DSCAML1: variants seen among roughly 807,000 people sequenced by gnomAD.
The protein encoded by DSCAML1 is DS cell adhesion molecule like 1, also known as cell adhesion molecule DSCAML1.
Under a neutral mutation model 200.5 loss-of-function variants are expected in DSCAML1, and 38 were observed. The observed-to-expected ratio is 0.19, with a 90% CI of 0.15 to 0.25. The LOEUF (loss-of-function observed/expected upper bound fraction) is 0.25, where lower values mean the gene tolerates loss of function less well. Among genes scored for constraint, DSCAML1 ranks in the 10% least tolerant of loss-of-function variants. The probability of loss-of-function intolerance (pLI) is 1.00; values close to 1 mark genes in which losing one functional copy is unlikely to be tolerated. For missense variants in DSCAML1, 2,223 were observed against 2,858.8 expected, an observed-to-expected ratio of 0.78 and a Z score of 5.07; for synonymous variants, 1,215 against 1,165.0, an observed-to-expected ratio of 1.04 and a Z score of -0.87.
At chr11:117,561,159 G>A (rs2050655403) in intron 3 of DSCAML1, among the ~76,000 whole-genome samples, 1 of 152,212 alleles carries the variant, frequency 6.6e-6, no homozygotes, top group South Asian at 2.1e-4. Context: ...AGGAAGGCAG[G>A]CTCTCCTCTT....
At chr11:117,577,486 CT>C (rs1352366925) in intron 3 of DSCAML1, among the ~76,000 whole-genome samples, 1 of 29,870 alleles carries the variant, frequency 3.3e-5, no homozygotes, top group African/African-American at 9.0e-5. Flanking sequence ...TCCTTCCTTC[CT>C]TCCTTCCTTC....
At chr11:117,776,145 C>T (rs1388899977) in intron 3 of DSCAML1, among the ~76,000 whole-genome samples, 1 of 152,132 alleles carries the variant, frequency 6.6e-6, no homozygotes, top group South Asian at 2.1e-4. Flanking sequence ...TGACACAACC[C>T]CAGAGAGGTA....
Position 117,437,433 on chromosome 11 carries a change from G to C in DSCAML1, c.4433-24C>G, listed in dbSNP as rs1484056964. 2 of 1,601,366 alleles carry C rather than the reference G, an allele frequency of 1.2e-6. No homozygotes were observed. The highest frequency in any genetic ancestry group is 3.4e-5 in the Admixed American group (2 of 59,480). The stretch of plus-strand genomic sequence containing the variant: ...CTCTGGCAGGCCGGAGGGAGAGAGA[G>C]AGGTTAGAGAGATTTGGTGGGAGGC... On this transcript the variant is annotated intron_variant, in intron 25 of 32. Transcript: ENST00000651296. This position sits in a 1 kb window ranked among gnomAD's most constrained non-coding sequence, Gnocchi z 5.3.
intron 3 of DSCAML1, among the ~76,000 whole-genome samples, chr11:117,675,893 GCTCCCA>G (rs925180635): frequency 6.6e-6 from 1 of 152,066 alleles, no homozygotes; most frequent in Non-Finnish European, 1.5e-5. Context: ...GCATCGAATG[GCTCCCA>G]CTCCTGATTA....
chr11:117,493,638 ATT>A (rs976667954), intron 11 of DSCAML1, among the ~76,000 whole-genome samples: 17 of 142,034 alleles, frequency 1.2e-4, no homozygotes, highest in Non-Finnish European at 1.5e-4. Flanking sequence ...TTATTTATTT[ATT>A]TTTTTGAGAC....
At chr11:117,789,749 T>C (rs1323612521) in intron 1 of DSCAML1, among the ~76,000 whole-genome samples, 2 of 152,156 alleles carry the variant, frequency 1.3e-5, no homozygotes, top group Non-Finnish European at 2.9e-5. Flanking sequence ...TTGCTCTATG[T>C]GGTCCAAGCG....
intron 3 of DSCAML1, among the ~76,000 whole-genome samples, chr11:117,650,696 T>TGTGTGTGC (rs1385935990): frequency 7.0e-6 from 1 of 142,404 alleles, no homozygotes; most frequent in Non-Finnish European, 1.6e-5. Flanking sequence ...TGTGTGTGTG[T>TGTGTGTGC]GTGTGCGTGT....
At chr11:117,530,440 C>T (rs1372811331) in intron 4 of DSCAML1, among the ~76,000 whole-genome samples, 1 of 152,160 alleles carries the variant, frequency 6.6e-6, no homozygotes, top group African/African-American at 2.4e-5. Context: ...TTGAGGCGAG[C>T]CCTTTGGAAA....
At position 117,518,553 on chromosome 11, in the gene DSCAML1, G is replaced by A. The variant is rs769202313; in HGVS notation, c.1423C>T (p.Pro475Ser). Reference protein sequence around the residue: ...TTISHMNVTGPQIRDGGVYRC... With the variant: ...TTISHMNVTGSQIRDGGVYRC... ...TACACGCCCCCGTCGCGGATCTGGG[G>A]GCCTGTGACGTTCATGTGGCTGATG... The change falls in exon 7 of 33, where the codon CCC becomes TCC. Residue 475 changes from proline (P) to serine (S), a missense_variant. Transcript: ENST00000651296. The surrounding 1 kb of genome is among the most constrained non-coding windows in gnomAD (Gnocchi z 6.3). The A allele has an allele frequency of 6.2e-7, 1 of 1,614,212 alleles. No homozygotes were observed. Among genetic ancestry groups the A allele is most frequent in the Non-Finnish European group, 8.5e-7 (1 of 1,180,050 alleles).
At chr11:117,438,689 G>T (rs1180750303) in intron 24 of DSCAML1, among the ~76,000 whole-genome samples, 196 bp downstream of exon 24, 1 of 152,190 alleles carries the variant, frequency 6.6e-6, no homozygotes, top group Non-Finnish European at 1.5e-5. Context: ...GGCATTGGAG[G>T]GGCGGGCGTA....
intron 3 of DSCAML1, among the ~76,000 whole-genome samples, chr11:117,715,903 T>G (rs952840274): frequency 6.6e-6 from 1 of 152,182 alleles, no homozygotes; most frequent in African/African-American, 2.4e-5. Flanking sequence ...CAATTCCTAG[T>G]TGGTCACTTG....
intron 8 of DSCAML1, among the ~76,000 whole-genome samples, chr11:117,513,932 C>T (rs1337992108): frequency 6.6e-6 from 1 of 152,132 alleles, no homozygotes; most frequent in Non-Finnish European, 1.5e-5. Flanking sequence ...GGAGAAGTCT[C>T]CACCCAGCCT....
At chr11:117,694,052 T>C (rs1325464581) in intron 3 of DSCAML1, among the ~76,000 whole-genome samples, 8 of 113,122 alleles carry the variant, frequency 7.1e-5, no homozygotes, top group Non-Finnish European at 1.1e-4. Context: ...TTTTAGGTTC[T>C]ATCTTTATAT....
chr11:117,770,477 A>C (rs1007954569), intron 3 of DSCAML1, among the ~76,000 whole-genome samples: 1 of 152,148 alleles, frequency 6.6e-6, no homozygotes. Flanking sequence ...AAGATTAGAC[A>C]CTGGTAATGC....
intron 11 of DSCAML1, among the ~76,000 whole-genome samples, chr11:117,491,450 G>A (rs73024367): frequency 0.018 from 2,721 of 152,324 alleles, 64 homozygotes; most frequent in East Asian, 0.1. Flanking sequence ...CAGGTCATTC[G>A]TGGTCTCATC....
At position 117,516,704 on chromosome 11, in the gene DSCAML1, C is replaced by T; in HGVS notation, c.1546G>A (p.Ala516Thr). The part of the protein sequence containing the change: ...PSIRAMRNIT[A>T]VAGRDTLINC... ...ATAAGGGTGTCCCGCCCGGCGACTGCTGTGATGTTCCGCATAGCCCGGATG... is the reference window on the plus strand; with the variant it reads ...ATAAGGGTGTCCCGCCCGGCGACTGTTGTGATGTTCCGCATAGCCCGGATG... The change falls in exon 8 of 33, where the codon GCA becomes ACA. Residue 516 changes from alanine (A) to threonine (T), a missense_variant. By Grantham distance (58) the Ala-to-Thr change is moderately conservative. This residue lies in a region of DSCAML1 where 212 missense variants were observed against 368.0 expected (regional missense o/e 0.58). Coordinates refer to ENST00000651296, the MANE Select transcript of DSCAML1 (RefSeq NM_020693.4). This position sits in a 1 kb window ranked among gnomAD's most constrained non-coding sequence, Gnocchi z 5.7. The T allele has an allele frequency of 6.2e-7, 1 of 1,613,868 alleles. No individual in the cohort carries two copies. The highest frequency in any genetic ancestry group is 8.5e-7 in the Non-Finnish European group (1 of 1,179,936).
Position 117,478,606 on chromosome 11 carries a change from C to A in DSCAML1, c.2785+1837G>T, listed in dbSNP as rs569906277. 4.6e-5 allele frequency among the ~76,000 whole-genome samples: 7 copies of A among 152,334 alleles called. No homozygotes were observed. The South Asian group carries it at 1.4e-3, about 32-fold the overall frequency. On this transcript the variant is annotated intron_variant, in intron 14 of 32. Coordinates refer to ENST00000651296, the MANE Select transcript of DSCAML1 (RefSeq NM_020693.4). ...GACATTGTTAGCGGCTCTCAGTGAC[C>A]TTCCCCAGCAAAGTGAAAGCTCAGC... is the stretch of plus-strand genomic sequence containing the variant.
At chr11:117,605,306 A>AGAT (rs1367860409) in intron 3 of DSCAML1, among the ~76,000 whole-genome samples, 47 of 152,248 alleles carry the variant, frequency 3.1e-4, no homozygotes, top group African/African-American at 1.1e-3. Context: ...GAGACTGGAA[A>AGAT]GATGGGGTTG....
chr11:117,430,682 G>A (rs2137056873), intron 32 of DSCAML1, 40 bp downstream of exon 32: 3 of 1,570,012 alleles, frequency 1.9e-6, no homozygotes, highest in East Asian at 4.5e-5. Context: ...GGGGCCAGGG[G>A]GCGGGGGGGC....
Sources: gnomAD v4.1 joint callset for allele counts (sites outside exome capture counted in the v4.1 genomes callset) on GRCh38, gnomAD v4.1.1 for gene constraint, gnomAD v4.1.1 regional missense constraint, Gnocchi (gnomAD v3.1) non-coding constraint, MANE v1.5 for transcripts, NCBI Gene and HGNC (gene_info 2026-07-23, HGNC 2026-07-21) for gene names.